The following PPP1R9A variants were observed in gnomAD, a reference collection of about 807,000 sequenced individuals.
PPP1R9A encodes the protein protein phosphatase 1 regulatory subunit 9A.
A neutral mutation model predicts 141.9 loss-of-function variants in PPP1R9A; 59 were observed. That is an observed-to-expected ratio of 0.42 (90% CI 0.34 to 0.52). The LOEUF is 0.52. PPP1R9A is among the 20% of genes least tolerant of loss of function. The pLI, the probability that PPP1R9A is intolerant of heterozygous loss-of-function variation, is 0.10. For missense variants in PPP1R9A, 1,444 were observed against 1,611.9 expected, an observed-to-expected ratio of 0.90 and a Z score of 1.78; for synonymous variants, 500 against 569.7, an observed-to-expected ratio of 0.88 and a Z score of 1.74.
chr7:95,279,197 G>A (rs1469766160), intron 16 of PPP1R9A, among the ~76,000 whole-genome samples: 1 of 152,150 alleles, frequency 6.6e-6, no homozygotes, highest in Non-Finnish European at 1.5e-5. Context: ...TTCTCTCAAA[G>A]AGGCTTTAGA....
chr7:95,247,620 T>C (rs1798292479), intron 9 of PPP1R9A, 94 bp downstream of exon 9: 1 of 1,078,212 alleles, frequency 9.3e-7, no homozygotes, highest in South Asian at 1.5e-5. Flanking sequence ...TGTCCCTGTA[T>C]ATTTGAAAGA....
Position 95,222,738 on chromosome 7 carries a change from G to A in PPP1R9A, c.1957-3223G>A, listed in dbSNP as rs539503650. On this transcript the variant is annotated intron_variant, in intron 7 of 19. Transcript: ENST00000433360. Reference sequence around the variant, plus strand: ...GAAATACTTTGTTATAGTAATTTTGGGTTTTGTTGGTTTTGGGTTTTTTTG... The same window carrying A: ...GAAATACTTTGTTATAGTAATTTTGAGTTTTGTTGGTTTTGGGTTTTTTTG... Among the ~76,000 whole-genome samples the A allele has an allele frequency of 5.3e-5, 8 of 151,956 alleles. 1 individual carries two copies. The highest frequency in any genetic ancestry group is 2.0e-4 in the Admixed American group (3 of 15,228).
intron 2 of PPP1R9A, among the ~76,000 whole-genome samples, chr7:94,955,251 T>A (rs1796962283): frequency 6.6e-6 from 1 of 152,098 alleles, no homozygotes; most frequent in Admixed American, 6.6e-5. Context: ...GCACACTATC[T>A]GATTCCTGTT....
intron 4 of PPP1R9A, among the ~76,000 whole-genome samples, chr7:95,152,850 T>C (rs1222746832): frequency 6.7e-6 from 1 of 149,566 alleles, no homozygotes; most frequent in Admixed American, 6.7e-5. Flanking sequence ...TTTTTTTTTT[T>C]TTTTTTTTCT....
At chr7:94,974,443 A>G (rs1421338508) in intron 2 of PPP1R9A, among the ~76,000 whole-genome samples, 1 of 152,208 alleles carries the variant, frequency 6.6e-6, no homozygotes, top group Non-Finnish European at 1.5e-5. Flanking sequence ...ATGACAGGAC[A>G]TCCAAATGGA....
At chr7:95,174,764 G>A (rs529482155) in intron 5 of PPP1R9A, among the ~76,000 whole-genome samples, 2 of 152,038 alleles carry the variant, frequency 1.3e-5, no homozygotes, top group East Asian at 1.9e-4. Flanking sequence ...ACAATTTCTT[G>A]CATCTAATTT....
chr7:95,106,838 C>T (rs1819593171), intron 2 of PPP1R9A, among the ~76,000 whole-genome samples: 1 of 151,600 alleles, frequency 6.6e-6, no homozygotes, highest in Non-Finnish European at 1.5e-5. Context: ...CTTATTATGT[C>T]ACCCAGGCTT....
At chr7:95,017,400 A>ACC (rs1014978677) in intron 2 of PPP1R9A, among the ~76,000 whole-genome samples, 25 of 152,196 alleles carry the variant, frequency 1.6e-4, no homozygotes, top group African/African-American at 5.8e-4. Flanking sequence ...TCATAATTGC[A>ACC]AACTACAAGG....
At chr7:94,974,624 C>T (rs1799227207) in intron 2 of PPP1R9A, among the ~76,000 whole-genome samples, 1 of 152,152 alleles carries the variant, frequency 6.6e-6, no homozygotes, top group African/African-American at 2.4e-5. Context: ...CAGGTCAACA[C>T]AGTTTCATTC....
chr7:95,077,867 C>G (rs2152253652), intron 2 of PPP1R9A, among the ~76,000 whole-genome samples: 1 of 151,928 alleles, frequency 6.6e-6, no homozygotes, highest in East Asian at 1.9e-4. Context: ...ATAGGAGTCT[C>G]TTATGATTTA....
intron 5 of PPP1R9A, among the ~76,000 whole-genome samples, chr7:95,187,026 T>A (rs1292535537): frequency 1.3e-5 from 2 of 152,082 alleles, no homozygotes; most frequent in Non-Finnish European, 1.5e-5. Context: ...TGGCTTTATA[T>A]GATGATTTAG....
chr7:95,172,170 C>T (rs971268418), intron 5 of PPP1R9A, among the ~76,000 whole-genome samples: 1 of 151,586 alleles, frequency 6.6e-6, no homozygotes, highest in African/African-American at 2.4e-5. Flanking sequence ...AGACCTAATG[C>T]TTTTCTCTTG....
chr7:94,996,010 G>C (rs1802120509), intron 2 of PPP1R9A, among the ~76,000 whole-genome samples: 1 of 152,054 alleles, frequency 6.6e-6, no homozygotes, highest in African/African-American at 2.4e-5. Flanking sequence ...AACAGCATCT[G>C]GTCCATGGCT....
chr7:95,088,794 T>G (rs1326344660), intron 2 of PPP1R9A, among the ~76,000 whole-genome samples: 1 of 151,996 alleles, frequency 6.6e-6, no homozygotes, highest in African/African-American at 2.4e-5. Flanking sequence ...ATCTCTTCCC[T>G]TGAAAAATAA....
intron 2 of PPP1R9A, among the ~76,000 whole-genome samples, chr7:94,954,731 G>A (rs1341403470): frequency 6.9e-6 from 1 of 144,554 alleles, no homozygotes; most frequent in African/African-American, 2.6e-5. Flanking sequence ...TGATTTTTTT[G>A]AGTTTTTCCT....
intron 2 of PPP1R9A, among the ~76,000 whole-genome samples, chr7:94,992,172 T>A (rs1218022707): frequency 2.0e-5 from 3 of 152,222 alleles, no homozygotes; most frequent in Non-Finnish European, 1.5e-5. Context: ...TTCAGACAAC[T>A]ACTGATACGC....
intron 2 of PPP1R9A, among the ~76,000 whole-genome samples, chr7:95,103,024 C>A (rs1422862532): frequency 6.6e-6 from 1 of 152,076 alleles, no homozygotes; most frequent in Non-Finnish European, 1.5e-5. Context: ...TCATTGAAGA[C>A]CTTCATAGAA....
intron 2 of PPP1R9A, among the ~76,000 whole-genome samples, chr7:95,011,670 T>C (rs1174976626): frequency 6.6e-6 from 1 of 152,218 alleles, no homozygotes; most frequent in African/African-American, 2.4e-5. Flanking sequence ...TCTTCATGGT[T>C]GGGTGACTAA....
intron 2 of PPP1R9A, among the ~76,000 whole-genome samples, chr7:95,037,950 TA>T (rs11438513): frequency 1.5e-3 from 210 of 140,042 alleles, no homozygotes; most frequent in Admixed American, 1.9e-3. Context: ...CAAAATAATT[TA>T]AAAAAAAAAA....
Sources: gnomAD v4.1 joint callset for allele counts (sites outside exome capture counted in the v4.1 genomes callset) on GRCh38, gnomAD v4.1.1 for gene constraint, MANE v1.5 for transcripts, NCBI Gene and HGNC (gene_info 2026-07-23, HGNC 2026-07-21) for gene names.